The following SHBG variants were observed in gnomAD, a reference collection of about 807,000 sequenced individuals.
SHBG encodes the protein sex hormone-binding globulin.
A neutral mutation model predicts 41.9 loss-of-function variants in SHBG; 37 were observed. That is an observed-to-expected ratio of 0.88 (90% confidence interval 0.68 to 1.16). The LOEUF (loss-of-function observed/expected upper bound fraction) is 1.16, where lower values mean the gene tolerates loss of function less well. Among genes scored for constraint, SHBG ranks in the 50% most tolerant of loss-of-function variants. The pLI, the probability that SHBG is intolerant of heterozygous loss-of-function variation, is 0.00. For missense variants in SHBG, 466 were observed against 499.9 expected, an observed-to-expected ratio of 0.93 and a Z score of 0.65; for synonymous variants, 217 against 205.8, an observed-to-expected ratio of 1.05 and a Z score of -0.47.
At chr17:7,626,880 G>A (rs563291089), upstream of SHBG, 59 of 1,602,836 alleles carry the variant, frequency 3.7e-5, no homozygotes, top group Middle Eastern at 3.3e-4. Context: ...CTGGGGACAG[G>A]GGATAACAGT....
At chr17:7,629,970 C>T (rs1183008297), upstream of SHBG, 7 of 645,624 alleles carry the variant, frequency 1.1e-5, no homozygotes. Context: ...GGACTCTGTC[C>T]TTCACCCCAT....
upstream of SHBG, chr17:7,627,496 C>T: frequency 6.3e-7 from 1 of 1,593,600 alleles, no homozygotes; most frequent in Non-Finnish European, 8.6e-7. This position sits in a 1 kb window ranked among gnomAD's most constrained non-coding sequence, Gnocchi z 4.8. Context: ...AGCCCCTCCC[C>T]CTGCCCCCGC....
chr17:7,631,166 G>T, intron 3 of SHBG, 34 bp from the exon 4 acceptor site: 1 of 1,515,668 alleles, frequency 6.6e-7, no homozygotes. Context: ...ACAGATCCCA[G>T]GGGCCTCTGA....
chr17:7,619,300 G>T (rs762722680), intron 1 of SHBG, among the ~76,000 whole-genome samples: 15 of 150,828 alleles, frequency 9.9e-5, no homozygotes, highest in Non-Finnish European at 7.4e-5. Context: ...TGAAGCAGGA[G>T]AATTGCTTGA....
intron 1 of SHBG, among the ~76,000 whole-genome samples, chr17:7,621,117 A>ACCAGCTGCAT (rs2072087250): frequency 7.1e-6 from 1 of 141,308 alleles, no homozygotes; most frequent in African/African-American, 2.7e-5. Context: ...AAAAAAAAAA[A>ACCAGCTGCAT]AAAAAATCAA....
At chr17:7,616,991 A>G (rs576463542) in intron 1 of SHBG, among the ~76,000 whole-genome samples, 1 of 152,204 alleles carries the variant, frequency 6.6e-6, no homozygotes, top group East Asian at 1.9e-4. Flanking sequence ...AATAGGAAAA[A>G]CTGTCATGAA....
At chr17:7,632,685 C>A in intron 6 of SHBG, 67 bp from the exon 7 acceptor site, 1 of 1,267,758 alleles carries the variant, frequency 7.9e-7, no homozygotes. Context: ...AGGGGTGAGG[C>A]CACAGGCAGT....
chr17:7,616,970 G>T (rs748622275), intron 1 of SHBG, among the ~76,000 whole-genome samples: 30 of 152,028 alleles, frequency 2.0e-4, no homozygotes, highest in Non-Finnish European at 4.0e-4. Context: ...AATAATGCTG[G>T]GGAAATTCAA....
chr17:7,626,694 C>A, upstream of SHBG: 1 of 1,612,972 alleles, frequency 6.2e-7, no homozygotes, highest in Non-Finnish European at 8.5e-7. Flanking sequence ...ACCCGGGTCC[C>A]CCCTCCATAT....
chr17:7,618,835 G>A (rs1208464624), intron 1 of SHBG, among the ~76,000 whole-genome samples: 4 of 152,112 alleles, frequency 2.6e-5, no homozygotes, highest in East Asian at 1.9e-4. Context: ...CCTCAAGATC[G>A]CCTCTCTGGA....
chr17:7,630,715 C>G lies in SHBG; in HGVS notation c.239C>G (p.Pro80Arg). 6.2e-7 allele frequency: 1 copy of G among 1,614,114 alleles called. No individual in the cohort carries two copies. The highest frequency in any genetic ancestry group is 8.5e-7 in the Non-Finnish European group (1 of 1,180,022). Residue 80 changes from proline (P) to arginine (R), a missense_variant, in exon 3 of 8, where the codon CCA becomes CGA. Pro to Arg is a moderately radical substitution (Grantham distance 103, BLOSUM62 -2). Transcript: ENST00000380450. This position sits in a 1 kb window ranked among gnomAD's most constrained non-coding sequence, Gnocchi z 4.6. ...TCCTTTGAGGTTCGAACCTGGGACC[C>G]AGAGGGAGTGATTTTTTATGGGGAT... ...SSSFEVRTWD[P>R]EGVIFYGDTN...
At chr17:7,631,056 G>A in intron 3 of SHBG, 144 bp from the exon 4 acceptor site, 1 of 966,890 alleles carries the variant, frequency 1.0e-6, no homozygotes, top group Non-Finnish European at 1.5e-6. Flanking sequence ...GTATATAAGT[G>A]ACAAGAGCTG....
At chr17:7,621,654 G>A (rs1192882608) in intron 1 of SHBG, among the ~76,000 whole-genome samples, 1 of 115,480 alleles carries the variant, frequency 8.7e-6, no homozygotes, top group Admixed American at 8.6e-5. Context: ...TCAAAATAAA[G>A]AAATAAATTA....
upstream of SHBG, among the ~76,000 whole-genome samples, chr17:7,628,425 G>A (rs918059962): frequency 3.3e-5 from 5 of 151,408 alleles, no homozygotes; most frequent in South Asian, 2.1e-4. Flanking sequence ...CGGCACGCCC[G>A]GCTAATTTTT....
upstream of SHBG, chr17:7,626,770 T>C: frequency 6.2e-7 from 1 of 1,614,164 alleles, no homozygotes; most frequent in Non-Finnish European, 8.5e-7. Context: ...ACCTTTTTGA[T>C]TATTTTGGAA....
upstream of SHBG, chr17:7,627,232 G>A (rs1208214341): frequency 3.7e-6 from 6 of 1,614,050 alleles, no homozygotes; most frequent in Non-Finnish European, 5.1e-6. This position sits in a 1 kb window ranked among gnomAD's most constrained non-coding sequence, Gnocchi z 4.8. Context: ...CAGGGCTGCC[G>A]AGATTGGAGT....
In SHBG at chr17:7,631,959, C is replaced by G. The variant is rs144921692; in HGVS notation, c.796C>G (p.Leu266Val). ...GCAGGCAGCAGGCTCAGGCCACCTC[C>G]TTGCTCTTGGGACACCAGAGAACCC... Reference protein sequence around the residue: ...LKQAAGSGHLLALGTPENPSW... With the variant: ...LKQAAGSGHLVALGTPENPSW... The change falls in exon 6 of 8, where the codon CTT (leucine) becomes GTT (valine). Residue 266 changes from leucine to valine, a missense_variant. Physicochemically the swap from Leu to Val is conservative, Grantham distance 32. Transcript: ENST00000380450. The G allele has an allele frequency of 8.6e-5, 138 of 1,613,956 alleles. No individual in the cohort carries two copies. The highest frequency in any genetic ancestry group is 1.1e-4 in the Non-Finnish European group (133 of 1,180,010).
chr17:7,614,389 G>T, intron 1 of SHBG: 1 of 1,226,072 alleles, frequency 8.2e-7, no homozygotes, highest in Non-Finnish European at 1.1e-6. Flanking sequence ...CGCCCCACGC[G>T]TTCCTGCTCC....
In SHBG at chr17:7,631,856, A is replaced by G. The variant is rs761000883; in HGVS notation, c.716-23A>G. ...CTTGAGACCCCAGCTTTGAGGCCTC[A>G]GGATAATCATTTCTCCCCACAGACA... On this transcript the variant is annotated intron_variant, in intron 5 of 7. Transcript: ENST00000380450. 46 of 1,613,970 alleles carry G rather than the reference A, an allele frequency of 2.9e-5. No individual in the cohort carries two copies. The East Asian group carries it at 8.9e-4, about 31-fold the overall frequency.
Sources: gnomAD v4.1 joint callset for allele counts (sites outside exome capture counted in the v4.1 genomes callset) on GRCh38, gnomAD v4.1.1 for gene constraint, Gnocchi (gnomAD v3.1) non-coding constraint, MANE v1.5 for transcripts, NCBI Gene and HGNC (gene_info 2026-07-23, HGNC 2026-07-21) for gene names.